The following PIAS2 variants were observed in gnomAD, a reference collection of about 807,000 sequenced individuals.
PIAS2 encodes protein inhibitor of activated STAT 2, also known as E3 SUMO-protein ligase PIAS2.
PIAS2 carries 19 observed loss-of-function variants against 69.7 expected under a neutral mutation model. That is an observed-to-expected ratio of 0.27 (90% CI 0.19 to 0.40). The LOEUF (loss-of-function observed/expected upper bound fraction) is 0.40. PIAS2 is among the 10% of genes least tolerant of loss of function. The pLI is 1.00. For synonymous variants in PIAS2, 261 were observed against 263.2 expected (o/e 0.99, Z 0.08); for missense variants, 624 against 757.0 (o/e 0.82, Z 2.06).
chr18:46,902,368 C>T (rs1359644103), intron 1 of PIAS2, among the ~76,000 whole-genome samples: 1 of 151,852 alleles, frequency 6.6e-6, no homozygotes, highest in Non-Finnish European at 1.5e-5. Context: ...ACCAGTCTCA[C>T]CAAAATGGAG....
intron 10 of PIAS2, among the ~76,000 whole-genome samples, chr18:46,829,151 G>A (rs2043227653): frequency 6.6e-6 from 1 of 152,156 alleles, no homozygotes; most frequent in Admixed American, 6.5e-5. Context: ...GAAACTCTAA[G>A]TTCACCTGTG....
chr18:46,834,768 C>T (rs766226347), intron 9 of PIAS2, among the ~76,000 whole-genome samples: 2 of 152,156 alleles, frequency 1.3e-5, no homozygotes, highest in East Asian at 3.9e-4. Flanking sequence ...GTGTGAGCCA[C>T]CACACCCAAG....
At position 46,891,002 on chromosome 18, in the gene PIAS2, G is replaced by A; in HGVS notation, c.77C>T (p.Ala26Val). 6.2e-7 allele frequency: 1 copy of A among 1,613,472 alleles called. No homozygotes were observed. Among genetic ancestry groups the A allele is most frequent in the Non-Finnish European group, 8.5e-7 (1 of 1,179,784 alleles). The change falls in exon 2 of 14, where the codon GCT becomes GTT. Residue 26 changes from alanine to valine, a missense_variant. Ala to Val is a moderately conservative substitution (Grantham distance 64). Around this residue, in one of 3 missense-constraint regions of PIAS2, gnomAD observed 339 missense variants for 408.8 expected, o/e 0.83. Transcript: ENST00000585916. ...VSELQVLLGF[A>V]GRNKSGRKHD... is the part of the protein sequence containing the mutation. ...CTTGCGTCCACTTTTATTCCGTCCA[G>A]CAAAGCCTAGTAATACTTGTAGTTC... is the stretch of plus-strand genomic sequence containing the variant.
intron 5 of PIAS2, among the ~76,000 whole-genome samples, chr18:46,848,021 T>C (rs568669909): frequency 1.3e-5 from 2 of 152,306 alleles, no homozygotes; most frequent in Admixed American, 6.5e-5. Context: ...ATACTATGTA[T>C]ATATGGCAAA....
chr18:46,903,908 T>C (rs1045228771), intron 1 of PIAS2, among the ~76,000 whole-genome samples: 2 of 152,242 alleles, frequency 1.3e-5, no homozygotes, highest in Non-Finnish European at 2.9e-5. Context: ...GCTGTTTATA[T>C]ACAACAACTT....
At chr18:46,895,731 G>T (rs2054756992) in intron 1 of PIAS2, among the ~76,000 whole-genome samples, 1 of 152,034 alleles carries the variant, frequency 6.6e-6, no homozygotes, top group Admixed American at 6.6e-5. Context: ...AAAACTGCCA[G>T]ATTAACATAA....
At chr18:46,850,745 T>C (rs1213560681) in intron 5 of PIAS2, among the ~76,000 whole-genome samples, 1 of 152,194 alleles carries the variant, frequency 6.6e-6, no homozygotes, top group East Asian at 1.9e-4. Flanking sequence ...CCATTGATGA[T>C]AGCTACCTAG....
chr18:46,852,424 T>C (rs962409612), intron 5 of PIAS2, among the ~76,000 whole-genome samples: 1 of 152,174 alleles, frequency 6.6e-6, no homozygotes, highest in Non-Finnish European at 1.5e-5. Flanking sequence ...CTCTATTTCT[T>C]CTCCTCCTTC....
chr18:46,900,067 T>TA (rs1311298936), intron 1 of PIAS2, among the ~76,000 whole-genome samples: 1 of 152,058 alleles, frequency 6.6e-6, no homozygotes, highest in Non-Finnish European at 1.5e-5. Flanking sequence ...TCGTCTCTAC[T>TA]AAAAATACAA....
intron 1 of PIAS2, chr18:46,901,080 C>T (rs911712829): frequency 2.6e-6 from 1 of 389,158 alleles, no homozygotes; most frequent in Admixed American, 3.6e-5. Context: ...TTTTATGAAA[C>T]TAATATTACC....
intron 12 of PIAS2, chr18:46,818,249 A>G: frequency 8.0e-7 from 1 of 1,247,336 alleles, no homozygotes. Context: ...TCAAATTTTA[A>G]TGATACAACT....
intron 9 of PIAS2, 124 bp from the exon 10 acceptor site, chr18:46,829,991 T>C: frequency 4.0e-6 from 3 of 746,170 alleles, no homozygotes; most frequent in South Asian, 3.6e-5. Flanking sequence ...TCTTTTGGTA[T>C]TGCAATACTT....
chr18:46,819,428 A>C (rs2041928585), intron 12 of PIAS2, among the ~76,000 whole-genome samples: 1 of 152,182 alleles, frequency 6.6e-6, no homozygotes, highest in Non-Finnish European at 1.5e-5. Flanking sequence ...ATGTGGAGTA[A>C]CTATATCTAA....
chr18:46,899,222 G>A (rs1309216638), intron 1 of PIAS2, among the ~76,000 whole-genome samples: 2 of 152,002 alleles, frequency 1.3e-5, no homozygotes, highest in Non-Finnish European at 2.9e-5. Context: ...CAAAAACAAA[G>A]GAGGAAGGGA....
intron 10 of PIAS2, among the ~76,000 whole-genome samples, chr18:46,828,698 A>C (rs753461526): frequency 4.6e-5 from 7 of 152,250 alleles, no homozygotes; most frequent in Non-Finnish European, 1.0e-4. Context: ...CAATTAAGTT[A>C]CTAAGACATT....
intron 3 of PIAS2, among the ~76,000 whole-genome samples, chr18:46,855,997 G>GTTTTTTTTTTTTTTT (rs1171297653): frequency 4.4e-5 from 3 of 67,966 alleles, no homozygotes; most frequent in African/African-American, 1.2e-4. Flanking sequence ...TTTTTCTTTT[G>GTTTTTTTTTTTTTTT]TTTTTTTTTT....
In PIAS2 at chr18:46,891,255, A is replaced by G. The variant is rs769768487; in HGVS notation, c.25-201T>C. On this transcript the variant is annotated intron_variant, in intron 1 of 13. Coordinates refer to ENST00000585916, the MANE Select transcript of PIAS2 (RefSeq NM_004671.5). Reference sequence around the variant, plus strand: ...TTACATTCAAGTTACGGTGTTAATTATATTTTGTTGTACAAGATCTTAATT... The same window carrying G: ...TTACATTCAAGTTACGGTGTTAATTGTATTTTGTTGTACAAGATCTTAATT... 1.8e-5 allele frequency: 12 copies of G among 678,334 alleles called. No individual in the cohort carries two copies. The Admixed American group carries it at 2.4e-4, about 13-fold the overall frequency. The allele number at this position is 678,334 out of a possible 1,614,324, so 42.0% of individuals were successfully genotyped here.
chr18:46,845,476 A>G (rs1348408881), intron 6 of PIAS2, among the ~76,000 whole-genome samples: 1 of 152,216 alleles, frequency 6.6e-6, no homozygotes. Flanking sequence ...AGCAGCTACT[A>G]TAGTATGTAA....
chr18:46,837,555 A>G (rs904614935), intron 8 of PIAS2, among the ~76,000 whole-genome samples: 2 of 152,232 alleles, frequency 1.3e-5, no homozygotes, highest in African/African-American at 4.8e-5. Context: ...CTCTTTATAT[A>G]AGAAATCGTG....
Sources: allele counts gnomAD v4.1 joint callset (sites outside exome capture counted in the v4.1 genomes callset), GRCh38; gene constraint gnomAD v4.1.1; regional missense constraint gnomAD v4.1.1; transcripts MANE v1.5; gene names NCBI Gene and HGNC (gene_info 2026-07-23, HGNC 2026-07-21).